Variants in DLAT observed in about 807,000 individuals in gnomAD.
The protein encoded by DLAT is dihydrolipoamide S-acetyltransferase.
A neutral mutation model predicts 68.0 loss-of-function variants in DLAT; 43 were observed. The ratio of observed to expected loss-of-function variants is 0.63; its 90% CI spans 0.50 to 0.81. DLAT has a LOEUF of 0.81. Among genes scored for constraint, DLAT ranks in the 40% least tolerant of loss-of-function variants. The probability of loss-of-function intolerance (pLI) is 0.00; values close to 1 mark genes in which losing one functional copy is unlikely to be tolerated. For synonymous variants in DLAT, 265 were observed against 288.6 expected, an observed-to-expected ratio of 0.92 and a Z score of 0.83; for missense variants, 745 against 815.4, an observed-to-expected ratio of 0.91 and a Z score of 1.05.
rs782190453 is a variant in DLAT, at chr11:112,064,225, G to GA, written c.*1698dup. The GA allele has an allele frequency of 1.1e-4, 175 of 1,550,950 alleles. No homozygotes were observed. Among genetic ancestry groups the GA allele is most frequent in the South Asian group, 2.1e-4 (17 of 81,890 alleles). On this transcript the variant is annotated 3_prime_UTR_variant, in exon 14 of 14. Coordinates refer to ENST00000280346, the MANE Select transcript of DLAT (RefSeq NM_001931.5). ...ATGCTTGTGGTTCTGTTGTTCCCTT[G>GA]AAAAAAAATAAAAACAGTTGCCTTC...
chr11:112,030,093 T>A, intron 4 of DLAT: 1 of 821,892 alleles, frequency 1.2e-6, no homozygotes, highest in Non-Finnish European at 2.0e-6. Flanking sequence ...GAATGTCTCC[T>A]GGTAAATACT....
At chr11:112,029,425 C>T (rs1321524451) in intron 4 of DLAT, among the ~76,000 whole-genome samples, 3 of 152,004 alleles carry the variant, frequency 2.0e-5, no homozygotes, top group Non-Finnish European at 4.4e-5. Context: ...AGGAAGCTTA[C>T]AATCATGGTG....
At chr11:112,033,348 T>G in intron 4 of DLAT, 56 bp from the exon 5 acceptor site, 1 of 1,599,502 alleles carries the variant, frequency 6.3e-7, no homozygotes, top group Non-Finnish European at 8.5e-7. Flanking sequence ...CTGCCAGACT[T>G]TTATTATGTA....
intron 12 of DLAT, among the ~76,000 whole-genome samples, chr11:112,060,668 G>A (rs1864540889): frequency 6.6e-6 from 1 of 151,950 alleles, no homozygotes; most frequent in African/African-American, 2.4e-5. Context: ...GTTTCACCAT[G>A]TTGGCCAGGC....
chr11:112,045,373 T>A, intron 9 of DLAT, 143 bp downstream of exon 9: 1 of 734,448 alleles, frequency 1.4e-6, no homozygotes, highest in South Asian at 1.5e-5. Flanking sequence ...TTTGGCCAAC[T>A]GAATACTTGA....
rs1156675197 is a variant in DLAT, at chr11:112,061,141, A to G, written c.1781A>G (p.Glu594Gly). 6.2e-7 allele frequency: 1 copy of G among 1,614,012 alleles called. No homozygotes were observed. The highest frequency in any genetic ancestry group is 8.5e-7 in the Non-Finnish European group (1 of 1,180,042). ...QACILAIGAS[E>G]DKLVPADNEK... is the part of the protein sequence containing the mutation. ...TGTATTTTGGCAATTGGTGCTTCAG[A>G]GGATAAACTGGTCCCTGCAGATAAT... Residue 594 changes from glutamate to glycine, a missense_variant, in exon 13 of 14, where the codon GAG (glutamate) becomes GGG (glycine). Transcript: ENST00000280346.
Position 112,037,344 on chromosome 11 carries a change from G to A in DLAT, c.859G>A (p.Gly287Arg). The A allele has an allele frequency of 6.2e-7, 1 of 1,614,074 alleles. No homozygotes were observed. The highest frequency in any genetic ancestry group is 8.5e-7 in the Non-Finnish European group (1 of 1,179,988). ...TGAAGGCACAAGAGATGTCCCTCTA[G>A]GAACCCCACTCTGTATCATTGTAGA... ...VPEGTRDVPL[G>R]TPLCIIVEKE... Residue 287 changes from glycine (G) to arginine (R), a missense_variant, in exon 6 of 14, where the codon GGA (glycine) becomes AGA (arginine). Physicochemically the swap from Gly to Arg is moderately radical, Grantham distance 125. Coordinates refer to ENST00000280346, the MANE Select transcript of DLAT (RefSeq NM_001931.5).
chr11:112,052,339 T>G (rs1300758927), intron 11 of DLAT, among the ~76,000 whole-genome samples: 1 of 152,088 alleles, frequency 6.6e-6, no homozygotes, highest in Non-Finnish European at 1.5e-5. Flanking sequence ...ATCCCAAAGA[T>G]TGAGGGCTCA....
chr11:112,051,766 C>T lies in DLAT; in HGVS notation c.1514+417C>T, dbSNP rs1249083488. The stretch of plus-strand genomic sequence containing the variant: ...AGGCTATAGATTCTTTGTATGAGTT[C>T]AGCAAAGGGAGATTAGTGAACAAAT... On this transcript the variant is annotated intron_variant, in intron 11 of 13. Transcript: ENST00000280346. This position sits in a 1 kb window ranked among gnomAD's most constrained non-coding sequence, Gnocchi z 4.3. Among the ~76,000 whole-genome samples, 3 of 152,050 alleles carry T rather than the reference C, an allele frequency of 2.0e-5. No individual in the cohort carries two copies. Among genetic ancestry groups the T allele is most frequent in the Non-Finnish European group, 4.4e-5 (3 of 68,016 alleles).
rs917361769 is a variant in DLAT, at chr11:112,029,794, C to G, written c.660+849C>G. 14 of 506,396 alleles carry G rather than the reference C, an allele frequency of 2.8e-5. 1 individual carries two copies. Among genetic ancestry groups the G allele is most frequent in the Admixed American group, 2.6e-4 (11 of 42,876 alleles). The allele number at this position is 506,396 out of a possible 1,614,324, so 31.4% of individuals were successfully genotyped here. ...CAGTCCAGATTATCTTACTCAAGAA[C>G]ACCACCAAGAAGGGAAGGCCTAATT... is the stretch of plus-strand genomic sequence containing the variant. On this transcript the variant is annotated intron_variant, in intron 4 of 13. Transcript: ENST00000280346.
rs1379832168 is a variant in DLAT, at chr11:112,063,594, A to G, written c.*1059A>G. The G allele has an allele frequency of 1.3e-5, 2 of 152,490 alleles. No individual in the cohort carries two copies. The highest frequency in any genetic ancestry group is 4.8e-5 in the African/African-American group (2 of 41,460). 9.4% of individuals were successfully genotyped at this position (152,490 alleles called of 1,614,324 possible). On this transcript the variant is annotated 3_prime_UTR_variant, in exon 14 of 14. Coordinates refer to ENST00000280346, the MANE Select transcript of DLAT (RefSeq NM_001931.5). ...GGTAATTTCTACTTTGATAAAGTAA[A>G]AAAGTTAAATGTGTGTAAAAAAGTG... is the stretch of plus-strand genomic sequence containing the variant.
rs1263164398 is a variant in DLAT at position 112,039,330 on chromosome 11, G to C, written c.1062G>C (p.Arg354Ser). 6 of 1,614,042 alleles carry C rather than the reference G, an allele frequency of 3.7e-6. No individual in the cohort carries two copies. The highest frequency in any genetic ancestry group is 5.1e-6 in the Non-Finnish European group (6 of 1,180,012). Residue 354 changes from arginine (R) to serine (S), a missense_variant, in exon 7 of 14, where the codon AGG (arginine) becomes AGC (serine). By Grantham distance (110) the Arg-to-Ser change is moderately radical. Coordinates refer to ENST00000280346, the MANE Select transcript of DLAT (RefSeq NM_001931.5). ...CPATPAGPKG[R>S]VFVSPLAKKL... The stretch of plus-strand genomic sequence containing the variant: ...CTACTCCTGCTGGACCAAAGGGAAG[G>C]GTGTTTGTTAGCCCTCTTGCAAAGA...
rs782672095 is a variant in DLAT at position 112,025,724 on chromosome 11, C to T, written c.252C>T (p.Arg84=). 1.9e-6 allele frequency: 3 copies of T among 1,613,220 alleles called. No homozygotes were observed. ...AGCTTTTGGGGTCGCCCGGCCGCCG[C>T]TATTACAGTCTTCCCCCGCATCAGA... The part of the protein sequence containing the change: ...LLQLLGSPGR[R]YYSLPPHQKV... Residue 84 remains arginine (R), a synonymous_variant, in exon 1 of 14, where the codon CGC becomes CGT. Transcript: ENST00000280346.
rs1555179689 is a variant in DLAT, at chr11:112,028,822, T to C, written c.537T>C (p.Tyr179=). 8.1e-6 allele frequency: 13 copies of C among 1,614,194 alleles called. No homozygotes were observed. Among genetic ancestry groups the C allele is most frequent in the Non-Finnish European group, 1.1e-5 (13 of 1,180,030 alleles). The part of the protein sequence containing the change: ...KPEDIEAFKN[Y]TLDSSAAPTP... ...AGGATATTGAGGCCTTTAAAAATTA[T>C]ACACTGGATTCCTCAGCAGCACCTA... The change falls in exon 4 of 14, where the codon TAT becomes TAC. Residue 179 remains tyrosine (Y), a synonymous_variant. Coordinates refer to ENST00000280346, the MANE Select transcript of DLAT (RefSeq NM_001931.5).
chr11:112,043,365 G>A (rs782544599), intron 7 of DLAT, 101 bp from the exon 8 acceptor site: 4 of 1,091,940 alleles, frequency 3.7e-6, no homozygotes, highest in Admixed American at 1.7e-5. Context: ...AATGTTTTTG[G>A]TAGTAAACCC....
chr11:112,061,281 T>G (rs1864603550), intron 13 of DLAT, 107 bp downstream of exon 13: 2 of 1,156,992 alleles, frequency 1.7e-6, no homozygotes, highest in East Asian at 4.7e-5. Context: ...TCAAATATCG[T>G]GATCCACAAT....
chr11:112,028,392 C>T (rs1555179612), intron 2 of DLAT, 123 bp from the exon 3 acceptor site: 2 of 1,185,620 alleles, frequency 1.7e-6, no homozygotes, highest in East Asian at 2.4e-5. Flanking sequence ...GCACTCCAGC[C>T]TTGGTGACAG....
At chr11:112,031,304 A>G (rs1396484915) in intron 4 of DLAT, among the ~76,000 whole-genome samples, 1 of 152,272 alleles carries the variant, frequency 6.6e-6, no homozygotes, top group East Asian at 1.9e-4. Context: ...TACACAAGCC[A>G]TATAAATAGT....
intron 10 of DLAT, among the ~76,000 whole-genome samples, chr11:112,049,140 C>G (rs139978057): frequency 6.6e-6 from 1 of 150,796 alleles, no homozygotes; most frequent in African/African-American, 2.5e-5. Flanking sequence ...CCACCATGCC[C>G]GGCTAATTTT....
Sources: allele counts gnomAD v4.1 joint callset (sites outside exome capture counted in the v4.1 genomes callset), GRCh38; gene constraint gnomAD v4.1.1; non-coding constraint Gnocchi (gnomAD v3.1); transcripts MANE v1.5; gene names NCBI Gene and HGNC (gene_info 2026-07-23, HGNC 2026-07-21).